The following NAT2 variants were observed in gnomAD, a reference collection of about 807,000 sequenced individuals.
NAT2 encodes the protein N-acetyltransferase 2, also known as arylamine N-acetyltransferase 2.
For missense variants in NAT2, 428 were observed against 339.1 expected (o/e 1.26, Z -2.06); for synonymous variants, 137 against 125.9 (o/e 1.09, Z -0.59).
At chr8:18,388,778 T>C (rs959435300), upstream of NAT2, among the ~76,000 whole-genome samples, 5 of 152,222 alleles carry the variant, frequency 3.3e-5, no homozygotes, top group African/African-American at 1.2e-4. Flanking sequence ...AAGGAGCTTT[T>C]CTTTATGGTA....
At chr8:18,395,268 T>C (rs45488596) in intron 1 of NAT2, among the ~76,000 whole-genome samples, 490 of 152,194 alleles carry the variant, frequency 3.2e-3, no homozygotes, top group Middle Eastern at 0.014. Context: ...ACCACCTTTT[T>C]AAAAGCACCA....
At chr8:18,389,744 T>A (rs1243380667), upstream of NAT2, among the ~76,000 whole-genome samples, 1 of 152,200 alleles carries the variant, frequency 6.6e-6, no homozygotes, top group African/African-American at 2.4e-5. Context: ...AGAGGATGTC[T>A]AGAAACGCAT....
intron 1 of NAT2, among the ~76,000 whole-genome samples, chr8:18,394,610 G>A (rs1800651497): frequency 1.3e-5 from 2 of 149,266 alleles, no homozygotes; most frequent in Non-Finnish European, 3.0e-5. Context: ...AAATAAGTTG[G>A]GGTTCCTGGG....
chr8:18,390,241 A>G (rs1277132164), upstream of NAT2, among the ~76,000 whole-genome samples: 1 of 152,226 alleles, frequency 6.6e-6, no homozygotes, highest in African/African-American at 2.4e-5. Flanking sequence ...TATGTACTGG[A>G]ACAGTAGGTG....
At position 18,400,539 on chromosome 8, in the gene NAT2, A is replaced by G. The variant is rs572750517; in HGVS notation, c.536A>G (p.His179Arg). The change falls in exon 2 of 2, where the codon CAT (histidine) becomes CGT (arginine). Residue 179 changes from histidine to arginine, a missense_variant. Physicochemically the swap from His to Arg is conservative, Grantham distance 29 (BLOSUM62 0). Transcript: ENST00000286479. ...ACAAACAAAGAATTTCTTAATTCTC[A>G]TCTCCTGCCAAAGAAGAAACACCAA... ...YITNKEFLNS[H>R]LLPKKKHQKI... 1 of 1,612,566 alleles carries G rather than the reference A, an allele frequency of 6.2e-7. No individual in the cohort carries two copies. Among genetic ancestry groups the G allele is most frequent in the East Asian group, 2.2e-5 (1 of 44,868 alleles).
upstream of NAT2, chr8:18,391,217 C>G (rs535191133): frequency 2.6e-5 from 4 of 152,238 alleles, no homozygotes; most frequent in South Asian, 2.1e-4. Flanking sequence ...TAACTAGACT[C>G]TGGTGTCAGG....
rs72466456 is a variant in NAT2 at position 18,400,032 on chromosome 8, T to C, written c.29T>C (p.Ile10Thr). Residue 10 changes from isoleucine to threonine, a missense_variant, in exon 2 of 2, where the codon ATT (isoleucine) becomes ACT (threonine). Transcript: ENST00000286479. MDIEAYFER[I>T]GYKNSRNKLD... ...GACATTGAAGCATATTTTGAAAGAA[T>C]TGGCTATAAGAACTCTAGGAACAAA... 68 of 1,597,412 alleles carry C rather than the reference T, an allele frequency of 4.3e-5. No homozygotes were observed. The African/African-American group carries it at 7.8e-4, about 18-fold the overall frequency.
chr8:18,397,197 T>C (rs1563249096), intron 1 of NAT2, among the ~76,000 whole-genome samples: 1 of 152,110 alleles, frequency 6.6e-6, no homozygotes, highest in Admixed American at 6.5e-5. Flanking sequence ...GTTTATAAAG[T>C]CTGTCAAAGA....
At chr8:18,396,435 G>A (rs564140773) in intron 1 of NAT2, among the ~76,000 whole-genome samples, 6 of 150,810 alleles carry the variant, frequency 4.0e-5, no homozygotes, top group African/African-American at 1.5e-4. Context: ...ATTTTTTTTT[G>A]TTCTTTTGAG....
At chr8:18,393,866 G>C (rs961471846) in intron 1 of NAT2, among the ~76,000 whole-genome samples, 1 of 152,202 alleles carries the variant, frequency 6.6e-6, no homozygotes, top group African/African-American at 2.4e-5. Context: ...AAGGCTAGAA[G>C]ATACTAACAG....
intron 1 of NAT2, among the ~76,000 whole-genome samples, chr8:18,396,747 T>C (rs1006265079): frequency 6.6e-6 from 1 of 152,208 alleles, no homozygotes; most frequent in Non-Finnish European, 1.5e-5. Flanking sequence ...TAAAAACAGC[T>C]AAATCCTGAG....
intron 1 of NAT2, among the ~76,000 whole-genome samples, chr8:18,397,605 C>T (rs1042387678): frequency 2.6e-5 from 4 of 152,076 alleles, no homozygotes; most frequent in Non-Finnish European, 4.4e-5. Flanking sequence ...AGTCGTCTTT[C>T]TGGAAACTGA....
intron 1 of NAT2, among the ~76,000 whole-genome samples, chr8:18,396,769 A>G (rs1800699902): frequency 6.6e-6 from 1 of 152,224 alleles, no homozygotes; most frequent in Admixed American, 6.5e-5. Flanking sequence ...TATCTGTAAA[A>G]AAATACGTTT....
At chr8:18,387,463 GC>G (rs1405704866), upstream of NAT2, 1 of 153,810 alleles carries the variant, frequency 6.5e-6, no homozygotes, top group African/African-American at 2.4e-5. Context: ...GCTGCGCGAG[GC>G]TCCCCTTCAG....
rs765980583 is a variant in NAT2 at position 18,400,387 on chromosome 8, C to T, written c.384C>T (p.Ser128=). 1 of 1,611,628 alleles carries T rather than the reference C, an allele frequency of 6.2e-7. No individual in the cohort carries two copies. Among genetic ancestry groups the T allele is most frequent in the South Asian group, 1.1e-5 (1 of 90,622 alleles). The stretch of plus-strand genomic sequence containing the variant: ...TTGTCGATGCTGGGTCTGGAAGCTC[C>T]TCCCAGATGTGGCAGCCTCTAGAAT... The part of the protein sequence containing the change: ...NYIVDAGSGS[S]SQMWQPLELI... The change falls in exon 2 of 2, where the codon TCC becomes TCT. Residue 128 remains serine, a synonymous_variant. Transcript: ENST00000286479.
intron 1 of NAT2, among the ~76,000 whole-genome samples, chr8:18,399,182 T>C (rs1175577922): frequency 2.0e-5 from 3 of 152,148 alleles, no homozygotes; most frequent in Non-Finnish European, 4.4e-5. Flanking sequence ...CCTGGTACTT[T>C]CTGTTCCACT....
rs777460155 is a variant in NAT2 at position 18,400,889 on chromosome 8, A to C, written c.*13A>C. 6.4e-7 allele frequency: 1 copy of C among 1,559,064 alleles called. No individual in the cohort carries two copies. The highest frequency in any genetic ancestry group is 8.6e-7 in the Non-Finnish European group (1 of 1,158,004). Reference sequence around the variant, plus strand: ...CCTTACTATTTAGAATAAGGAACAAAATAAACCCTTGTGTATGTATCACCC... The same window carrying C: ...CCTTACTATTTAGAATAAGGAACAACATAAACCCTTGTGTATGTATCACCC... On this transcript the variant is annotated 3_prime_UTR_variant, in exon 2 of 2. Coordinates refer to ENST00000286479, the MANE Select transcript of NAT2 (RefSeq NM_000015.3).
In NAT2 at chr8:18,395,553, C is replaced by T. The variant is rs141791671; in HGVS notation, c.-7+4208C>T. Among the ~76,000 whole-genome samples the T allele has an allele frequency of 9.6e-4, 146 of 151,982 alleles. 1 individual carries two copies. The East Asian group carries it at 0.02, about 21-fold the overall frequency. On this transcript the variant is annotated intron_variant, in intron 1 of 1. Coordinates refer to ENST00000286479, the MANE Select transcript of NAT2 (RefSeq NM_000015.3). Reference sequence around the variant, plus strand: ...TATGATTTTAACATGCCAAATACACCGAATATGTCTGTTTTTGGCTTCAGG... The same window carrying T: ...TATGATTTTAACATGCCAAATACACTGAATATGTCTGTTTTTGGCTTCAGG...
chr8:18,387,714 G>A (rs550089976), upstream of NAT2: 5 of 155,930 alleles, frequency 3.2e-5, no homozygotes, highest in African/African-American at 9.6e-5. Flanking sequence ...TTTCTCCAAA[G>A]CGCTTGGCCT....
Sources: gnomAD v4.1 joint callset for allele counts (sites outside exome capture counted in the v4.1 genomes callset) on GRCh38, gnomAD v4.1.1 for gene constraint, MANE v1.5 for transcripts, NCBI Gene and HGNC (gene_info 2026-07-23, HGNC 2026-07-21) for gene names.